COL27A1: variants seen among roughly 807,000 people sequenced by gnomAD.
COL27A1 encodes collagen type XXVII alpha 1 chain, also known as collagen alpha-1(XXVII) chain.
In COL27A1, 106 loss-of-function variants were observed where a neutral mutation model predicts 251.3. That is an observed-to-expected ratio of 0.42 (90% CI 0.36 to 0.50). The LOEUF is 0.50. Ranked by LOEUF, COL27A1 falls within the 20% of genes least tolerant of loss-of-function variation. The probability of loss-of-function intolerance (pLI) is 0.00; values close to 1 mark genes in which losing one functional copy is unlikely to be tolerated. For missense variants in COL27A1, 2,325 were observed against 2,522.8 expected (o/e 0.92, Z 1.68); for synonymous variants, 1,000 against 986.3 (o/e 1.01, Z -0.26).
intron 7 of COL27A1, among the ~76,000 whole-genome samples, chr9:114,204,500 C>T (rs189693794): frequency 9.1e-4 from 139 of 152,312 alleles, no homozygotes; most frequent in Non-Finnish European, 1.5e-3. Context: ...GGTACTGGGG[C>T]GTTGCCAGAG....
chr9:114,264,281 G>C, intron 28 of COL27A1, 74 bp from the exon 29 acceptor site: 1 of 1,252,582 alleles, frequency 8.0e-7, no homozygotes, highest in Non-Finnish European at 1.1e-6. Flanking sequence ...GCTTGGAGCA[G>C]CCCCGCCCTC....
chr9:114,230,630 C>G (rs927999701), intron 14 of COL27A1, among the ~76,000 whole-genome samples: 1 of 152,112 alleles, frequency 6.6e-6, no homozygotes, highest in Admixed American at 6.5e-5. Flanking sequence ...TCAGAGAGAG[C>G]CAAGCCTCTG....
chr9:114,254,122 G>C (rs547970777), intron 27 of COL27A1, among the ~76,000 whole-genome samples: 2 of 152,184 alleles, frequency 1.3e-5, no homozygotes, highest in South Asian at 2.1e-4. Flanking sequence ...GTCTGGTATG[G>C]GGGGGCAGGG....
intron 10 of COL27A1, among the ~76,000 whole-genome samples, chr9:114,207,612 C>G (rs1018599434): frequency 1.3e-5 from 2 of 152,220 alleles, no homozygotes; most frequent in African/African-American, 2.4e-5. Flanking sequence ...CTGTCTCTTA[C>G]AGGCCACACA....
At position 114,301,690 on chromosome 9, in the gene COL27A1, C is replaced by A. The variant is rs529138775; in HGVS notation, c.4818C>A (p.Pro1606=). ...TTCTCTTGTTCCCCCAGGGTCCTCCCGGCCCCAGAGGGCGGCCCGGCCCCC... is the reference window on the plus strand; with the variant it reads ...TTCTCTTGTTCCCCCAGGGTCCTCCAGGCCCCAGAGGGCGGCCCGGCCCCC... The part of the protein sequence containing the change: ...DWGLQGPRGP[P]GPRGRPGPPG... Residue 1606 remains proline, a synonymous_variant, in exon 55 of 61, where the codon CCC becomes CCA. Transcript: ENST00000356083. 7.4e-6 allele frequency: 12 copies of A among 1,610,910 alleles called. No homozygotes were observed. The highest frequency in any genetic ancestry group is 1.0e-5 in the Non-Finnish European group (12 of 1,178,810).
intron 3 of COL27A1, among the ~76,000 whole-genome samples, chr9:114,175,794 C>T (rs1054785299): frequency 4.6e-5 from 7 of 152,216 alleles, no homozygotes; most frequent in African/African-American, 1.4e-4. Context: ...TGTTCCTCCC[C>T]GGAGTCCTGG....
At chr9:114,206,990 G>A (rs181309038) in intron 10 of COL27A1, among the ~76,000 whole-genome samples, 1 of 152,342 alleles carries the variant, frequency 6.6e-6, no homozygotes, top group East Asian at 1.9e-4. Flanking sequence ...TAGAGCTGAT[G>A]TGGTGGAATC....
chr9:114,277,687 C>G (rs996416751), intron 37 of COL27A1, among the ~76,000 whole-genome samples: 1 of 152,190 alleles, frequency 6.6e-6, no homozygotes, highest in Non-Finnish European at 1.5e-5. Flanking sequence ...GGGCTTGACT[C>G]AGCGGCGGGG....
At position 114,301,072 on chromosome 9, in the gene COL27A1, G is replaced by A; in HGVS notation, c.4702G>A (p.Gly1568Arg). The A allele has an allele frequency of 6.2e-7, 1 of 1,608,236 alleles. No individual in the cohort carries two copies. The highest frequency in any genetic ancestry group is 8.5e-7 in the Non-Finnish European group (1 of 1,177,044). ...QGPRGPPGLM[G>R]KEGIVGPLGI... is the part of the protein sequence containing the mutation. ...ACATGAGCCTTTCTGTCTCCTTTAG[G>A]GAAAGGAAGGCATCGTCGGGCCCCT... Residue 1568 changes from glycine to arginine, a missense_variant and splice_region_variant, in exon 52 of 61, where the codon GGA becomes AGA. This residue lies in a region of COL27A1 where 327 missense variants were observed against 442.8 expected (regional missense o/e 0.74). Transcript: ENST00000356083.
At position 114,222,314 on chromosome 9, in the gene COL27A1, C is replaced by T. The variant is rs755800874; in HGVS notation, c.2466+47C>T. 86 of 1,562,034 alleles carry T rather than the reference C, an allele frequency of 5.5e-5. No homozygotes were observed. In the East Asian group the frequency reaches 1.2e-3, roughly 21 times the overall value. On this transcript the variant is annotated intron_variant, in intron 14 of 60. Coordinates refer to ENST00000356083, the MANE Select transcript of COL27A1 (RefSeq NM_032888.4). Reference sequence around the variant, plus strand: ...GCAGCAGGTGGGTGTTGAGGAGACTCAGGGTGGAGCCAGCGTGTGGGGAGC... The same window carrying T: ...GCAGCAGGTGGGTGTTGAGGAGACTTAGGGTGGAGCCAGCGTGTGGGGAGC...
chr9:114,194,350 C>G (rs1326106630), intron 5 of COL27A1, 54 bp from the exon 6 acceptor site: 3 of 1,557,986 alleles, frequency 1.9e-6, no homozygotes, highest in Non-Finnish European at 2.7e-6. Flanking sequence ...TGTGGGGAGG[C>G]AGACATCCTT....
In COL27A1 at chr9:114,311,852, A is replaced by T. The variant is rs948377185; in HGVS notation, c.*1157A>T. The T allele has an allele frequency of 6.6e-6, 1 of 152,238 alleles. No individual in the cohort carries two copies. The highest frequency in any genetic ancestry group is 1.5e-5 in the Non-Finnish European group (1 of 68,042). 9.4% of individuals were successfully genotyped at this position (152,238 alleles called of 1,614,324 possible). A position where few individuals can be genotyped will look rare whatever the true frequency, so the allele number is the denominator to read the frequency against. On this transcript the variant is annotated 3_prime_UTR_variant, in exon 61 of 61. Coordinates refer to ENST00000356083, the MANE Select transcript of COL27A1 (RefSeq NM_032888.4). ...TGAAGCATCAACATGGAACCATCTC[A>T]GGAAGCCGCATCGCCTCTTCCGAGG... is the stretch of plus-strand genomic sequence containing the variant.
At chr9:114,251,608 A>C (rs1337599346) in intron 25 of COL27A1, among the ~76,000 whole-genome samples, 2 of 152,244 alleles carry the variant, frequency 1.3e-5, no homozygotes, top group Non-Finnish European at 2.9e-5. Context: ...ATGATAGCAC[A>C]ACATCAAAGC....
At chr9:114,260,686 CCT>C (rs1834255294) in intron 28 of COL27A1, among the ~76,000 whole-genome samples, 2 of 152,218 alleles carry the variant, frequency 1.3e-5, no homozygotes, top group Admixed American at 1.3e-4. Flanking sequence ...AGGCTCTCAT[CCT>C]CTGTTCTTGG....
At chr9:114,263,038 AAG>A (rs1834463623) in intron 28 of COL27A1, among the ~76,000 whole-genome samples, 1 of 142,692 alleles carries the variant, frequency 7.0e-6, no homozygotes, top group Non-Finnish European at 1.5e-5. Context: ...TCCTGGGTTC[AAG>A]CAATTCTCCT....
At chr9:114,178,136 T>C (rs1427772955) in intron 3 of COL27A1, among the ~76,000 whole-genome samples, 155 bp from the exon 4 acceptor site, 1 of 152,182 alleles carries the variant, frequency 6.6e-6, no homozygotes, top group Non-Finnish European at 1.5e-5. Context: ...CCAAAGAGCA[T>C]GAATTTCTCA....
intron 48 of COL27A1, among the ~76,000 whole-genome samples, chr9:114,291,680 C>T (rs139130295): frequency 0.01 from 1,597 of 152,188 alleles, 15 homozygotes; most frequent in Non-Finnish European, 0.015. Flanking sequence ...ATTGGGGAGG[C>T]AGAGGTTGCA....
rs756103795 is a variant in COL27A1, at chr9:114,222,215, A to G, written c.2422-8A>G. On this transcript the variant is annotated splice_polypyrimidine_tract_variant and splice_region_variant and intron_variant, in intron 13 of 60. Transcript: ENST00000356083. Reference sequence around the variant, plus strand: ...CAAGTAACCACCTTGGTCTCTCTCTATCTGCAGGGAGAACTGGGCCTGCCA... The same window carrying G: ...CAAGTAACCACCTTGGTCTCTCTCTGTCTGCAGGGAGAACTGGGCCTGCCA... 1 of 1,613,380 alleles carries G rather than the reference A, an allele frequency of 6.2e-7. No individual in the cohort carries two copies. The highest frequency in any genetic ancestry group is 1.3e-5 in the African/African-American group (1 of 74,916).
intron 38 of COL27A1, 60 bp downstream of exon 38, chr9:114,282,390 T>C: frequency 6.3e-7 from 1 of 1,585,950 alleles, no homozygotes; most frequent in Non-Finnish European, 8.6e-7. Flanking sequence ...CTTCCCCACA[T>C]CCCTCCCCTC....
Sources: allele counts gnomAD v4.1 joint callset (sites outside exome capture counted in the v4.1 genomes callset), GRCh38; gene constraint gnomAD v4.1.1; regional missense constraint gnomAD v4.1.1; transcripts MANE v1.5; gene names NCBI Gene and HGNC (gene_info 2026-07-23, HGNC 2026-07-21).